The following SETX variants were observed in gnomAD, a reference collection of about 807,000 sequenced individuals.
SETX encodes the protein helicase senataxin.
A neutral mutation model predicts 227.2 loss-of-function variants in SETX; 90 were observed. That is an observed-to-expected ratio of 0.40 (90% confidence interval 0.33 to 0.47). SETX has a LOEUF of 0.47. Among genes scored for constraint, SETX ranks in the 20% least tolerant of loss-of-function variants. SETX has a pLI of 0.91. For missense variants in SETX, 3,052 were observed against 3,181.5 expected (o/e 0.96, Z 0.98); for synonymous variants, 1,210 against 1,113.2 (o/e 1.09, Z -1.73).
At chr9:132,297,554 T>C (rs764915678) in intron 13 of SETX, among the ~76,000 whole-genome samples, 4 of 152,232 alleles carry the variant, frequency 2.6e-5, no homozygotes, top group Non-Finnish European at 4.4e-5. Flanking sequence ...ACCCAAGCCT[T>C]GGCCTCTGTT....
At chr9:132,342,947 G>A in intron 4 of SETX, 148 bp from the exon 5 acceptor site, 2 of 671,784 alleles carry the variant, frequency 3.0e-6, no homozygotes, top group East Asian at 2.7e-5. Context: ...TATTGTAAAT[G>A]CAGGAACAAT....
At chr9:132,280,840 A>G (rs1220191588) in intron 20 of SETX, among the ~76,000 whole-genome samples, 1 of 152,172 alleles carries the variant, frequency 6.6e-6, no homozygotes, top group Non-Finnish European at 1.5e-5. Context: ...GAGATTAAAA[A>G]AAACCAACAG....
intron 11 of SETX, among the ~76,000 whole-genome samples, chr9:132,308,756 A>G (rs550383162): frequency 1.3e-5 from 2 of 152,342 alleles, no homozygotes; most frequent in East Asian, 1.9e-4. Context: ...GAAAGTATTA[A>G]AAGTTGTCAA....
intron 11 of SETX, among the ~76,000 whole-genome samples, chr9:132,307,031 G>A (rs552763765): frequency 7.0e-4 from 107 of 152,320 alleles, no homozygotes; most frequent in African/African-American, 2.4e-3. Flanking sequence ...AAGGCAGGCG[G>A]GTCACCTGAG....
intron 20 of SETX, 107 bp downstream of exon 20, chr9:132,281,360 C>A (rs1243908799): frequency 1.3e-6 from 1 of 761,322 alleles, no homozygotes; most frequent in Non-Finnish European, 2.3e-6. Context: ...GCTTACTTTT[C>A]CCTCCAAATT....
At chr9:132,302,769 AAAG>A (rs1291740324) in intron 11 of SETX, among the ~76,000 whole-genome samples, 11 of 151,980 alleles carry the variant, frequency 7.2e-5, no homozygotes, top group Non-Finnish European at 1.5e-4. Context: ...AACTTTTTAC[AAAG>A]AACAAAACTG....
At chr9:132,296,250 C>T (rs760532013) in intron 14 of SETX, among the ~76,000 whole-genome samples, 2 of 152,218 alleles carry the variant, frequency 1.3e-5, no homozygotes, top group African/African-American at 2.4e-5. Flanking sequence ...CATCCACTTA[C>T]TTTAATGAAT....
At chr9:132,315,967 G>GTT (rs1845942651) in intron 10 of SETX, among the ~76,000 whole-genome samples, 1 of 152,156 alleles carries the variant, frequency 6.6e-6, no homozygotes, top group Non-Finnish European at 1.5e-5. Context: ...TAAACTAGGT[G>GTT]TTTTGTTTTT....
Position 132,268,500 on chromosome 9 carries a change from C to A in SETX, c.7287+1115G>T, listed in dbSNP as rs541352425. On this transcript the variant is annotated intron_variant, in intron 25 of 25. Transcript: ENST00000224140. ...AGGGGAAAACAACTTTTTAAACTTT[C>A]AAGTTATACAGAAATTTTTGTGAGA... is the stretch of plus-strand genomic sequence containing the variant. Among the ~76,000 whole-genome samples the A allele has an allele frequency of 1.2e-3, 185 of 152,270 alleles. 2 individuals are homozygous for A. The South Asian group carries it at 0.023, about 19-fold the overall frequency.
At chr9:132,299,773 CATG>C (rs1844878714) in intron 12 of SETX, among the ~76,000 whole-genome samples, 1 of 152,060 alleles carries the variant, frequency 6.6e-6, no homozygotes, top group Non-Finnish European at 1.5e-5. Context: ...ATCCCTGAAC[CATG>C]ATTTCCTGGG....
At chr9:132,332,992 A>G (rs1847339359) in intron 7 of SETX, among the ~76,000 whole-genome samples, 1 of 151,930 alleles carries the variant, frequency 6.6e-6, no homozygotes. Flanking sequence ...GGACAGAATT[A>G]TACATGTAGT....
intron 10 of SETX, among the ~76,000 whole-genome samples, chr9:132,317,003 A>AG (rs1233203217): frequency 6.6e-6 from 1 of 152,250 alleles, no homozygotes; most frequent in Non-Finnish European, 1.5e-5. Context: ...GAACTACATC[A>AG]AATTTATAAA....
At position 132,280,587 on chromosome 9, in the gene SETX, A is replaced by G. The variant is rs931189165; in HGVS notation, c.6654+880T>C. Among the ~76,000 whole-genome samples the G allele has an allele frequency of 2.7e-4, 41 of 152,344 alleles. 1 individual carries two copies. Among genetic ancestry groups the G allele is most frequent in the African/African-American group, 9.9e-4 (41 of 41,578 alleles). On this transcript the variant is annotated intron_variant, in intron 20 of 25. Transcript: ENST00000224140. ...AAAGAACTGCACTATCATTCTGAAT[A>G]ATTCCGAAATCAAAAACCACTAACG...
rs144720103 is a variant in SETX, at chr9:132,295,930, G to A, written c.6048C>T (p.Leu2016=). The A allele has an allele frequency of 1.2e-6, 2 of 1,613,914 alleles. No homozygotes were observed. Among genetic ancestry groups the A allele is most frequent in the Non-Finnish European group, 8.5e-7 (1 of 1,179,986 alleles). Residue 2016 remains leucine (L), a synonymous_variant, in exon 15 of 26, where the codon CTC becomes CTT. Coordinates refer to ENST00000224140, the MANE Select transcript of SETX (RefSeq NM_015046.7). ...TGAATTCAAGGATAATTTTTTTCAT[G>A]AGTTCATCAACAGCTGCATTGGAAG... The part of the protein sequence containing the change: ...CAPSNAAVDE[L]MKKIILEFKE...
At chr9:132,317,632 C>CCTTT (rs534295760) in intron 10 of SETX, among the ~76,000 whole-genome samples, 1 of 144,966 alleles carries the variant, frequency 6.9e-6, no homozygotes, top group African/African-American at 2.5e-5. Context: ...TATCATTTTC[C>CCTTT]TTTTTTTTTT....
chr9:132,280,595 A>C (rs1843445352), intron 20 of SETX, among the ~76,000 whole-genome samples: 1 of 152,204 alleles, frequency 6.6e-6, no homozygotes, highest in East Asian at 1.9e-4. Context: ...ATAATTCCGA[A>C]ATCAAAAACC....
intron 1 of SETX, among the ~76,000 whole-genome samples, chr9:132,354,511 AG>A (rs1387767606): frequency 4.9e-5 from 7 of 143,330 alleles, no homozygotes; most frequent in African/African-American, 7.5e-5. Context: ...AAAAAAAAAA[AG>A]AAAAAAGAAA....
At chr9:132,332,419 G>T (rs551097036) in intron 7 of SETX, among the ~76,000 whole-genome samples, 1 of 152,090 alleles carries the variant, frequency 6.6e-6, no homozygotes, top group Non-Finnish European at 1.5e-5. Flanking sequence ...TTGAATTCAC[G>T]CAGTCACTGC....
At position 132,326,941 on chromosome 9, in the gene SETX, C is replaced by A; in HGVS notation, c.4657G>T (p.Asp1553Tyr). ...TGGTTTTTTGTGGTTTCAAGACAAT[C>A]TTTGTACTTACACTTTGTGCCACTC... ...SLSGTKCKYKDCLETTKNQGE... is the reference protein window; with the variant it reads ...SLSGTKCKYKYCLETTKNQGE... The change falls in exon 10 of 26, where the codon GAT becomes TAT. Residue 1553 changes from aspartate (D) to tyrosine (Y), a missense_variant. Coordinates refer to ENST00000224140, the MANE Select transcript of SETX (RefSeq NM_015046.7). The A allele has an allele frequency of 6.2e-7, 1 of 1,614,222 alleles. No individual in the cohort carries two copies. The highest frequency in any genetic ancestry group is 8.5e-7 in the Non-Finnish European group (1 of 1,180,036).
Sources: allele counts gnomAD v4.1 joint callset (sites outside exome capture counted in the v4.1 genomes callset), GRCh38; gene constraint gnomAD v4.1.1; transcripts MANE v1.5; gene names NCBI Gene and HGNC (gene_info 2026-07-23, HGNC 2026-07-21).